The following GABBR2 variants were observed in gnomAD, a reference collection of about 807,000 sequenced individuals.
GABBR2 encodes the protein gamma-aminobutyric acid type B receptor subunit 2, also known as G-protein coupled receptor 51.
A neutral mutation model predicts 105.6 loss-of-function variants in GABBR2; 23 were observed. The observed-to-expected ratio is 0.22, with a 90% CI of 0.16 to 0.31. The LOEUF is 0.31. Ranked by LOEUF, GABBR2 falls within the 10% of genes least tolerant of loss-of-function variation. The probability of loss-of-function intolerance (pLI) is 1.00; values close to 1 mark genes in which losing one functional copy is unlikely to be tolerated. For synonymous variants in GABBR2, 478 were observed against 499.7 expected, an observed-to-expected ratio of 0.96 and a Z score of 0.58; for missense variants, 734 against 1,245.5, an observed-to-expected ratio of 0.59 and a Z score of 6.18.
chr9:98,597,655 T>G (rs982441984), intron 1 of GABBR2, among the ~76,000 whole-genome samples: 5 of 152,034 alleles, frequency 3.3e-5, no homozygotes, highest in African/African-American at 1.2e-4. Context: ...CAAGCATCAC[T>G]GCCTTCCCAG....
At chr9:98,397,524 A>G (rs889971613) in intron 8 of GABBR2, among the ~76,000 whole-genome samples, 4 of 152,114 alleles carry the variant, frequency 2.6e-5, no homozygotes, top group African/African-American at 4.8e-5. Flanking sequence ...CTAGCTTGGA[A>G]CCTAACTCAC....
intron 10 of GABBR2, 119 bp from the exon 11 acceptor site, chr9:98,385,891 G>C: frequency 5.2e-6 from 4 of 775,970 alleles, no homozygotes; most frequent in Non-Finnish European, 6.3e-6. Flanking sequence ...GGGAGAGAGA[G>C]AAACAGAAAT....
chr9:98,587,704 C>G (rs1298599178), intron 1 of GABBR2, among the ~76,000 whole-genome samples: 1 of 152,196 alleles, frequency 6.6e-6, no homozygotes. Context: ...TCAATACCAT[C>G]TAAAATTGAA....
At chr9:98,520,427 A>T (rs1827845113) in intron 3 of GABBR2, among the ~76,000 whole-genome samples, 1 of 152,210 alleles carries the variant, frequency 6.6e-6, no homozygotes, top group Admixed American at 6.5e-5. Flanking sequence ...GAAGGAGCAG[A>T]TGTGTGGAGC....
chr9:98,554,568 T>C (rs987908949), intron 2 of GABBR2, among the ~76,000 whole-genome samples: 2 of 152,088 alleles, frequency 1.3e-5, no homozygotes, highest in African/African-American at 4.8e-5. Flanking sequence ...AGAAACTACA[T>C]ACATAAGCAC....
intron 5 of GABBR2, 98 bp from the exon 6 acceptor site, chr9:98,473,444 G>C (rs1826725872): frequency 1.4e-6 from 1 of 711,514 alleles, no homozygotes; most frequent in Non-Finnish European, 2.4e-6. Flanking sequence ...CCTCTTCCCA[G>C]AGGATTTAGG....
At chr9:98,654,224 C>T (rs1444895336) in intron 1 of GABBR2, among the ~76,000 whole-genome samples, 2 of 152,192 alleles carry the variant, frequency 1.3e-5, no homozygotes, top group African/African-American at 2.4e-5. Context: ...CCTGACACCA[C>T]GGTGCGCTCT....
chr9:98,701,596 C>CA (rs1445052069), intron 1 of GABBR2, among the ~76,000 whole-genome samples: 1 of 152,178 alleles, frequency 6.6e-6, no homozygotes, highest in Non-Finnish European at 1.5e-5. Context: ...TCACCATTTA[C>CA]TCATGCAGGC....
At chr9:98,497,373 A>C (rs1827302520) in intron 3 of GABBR2, among the ~76,000 whole-genome samples, 2 of 152,184 alleles carry the variant, frequency 1.3e-5, no homozygotes, top group Admixed American at 6.5e-5. Context: ...TCAGAAATTT[A>C]GACTTTTAAA....
Position 98,708,790 on chromosome 9 carries a change from G to C in GABBR2, c.-53C>G. The C allele has an allele frequency of 1.0e-6, 1 of 967,332 alleles. No homozygotes were observed. The highest frequency in any genetic ancestry group is 1.2e-6 in the Non-Finnish European group (1 of 815,822). The allele number at this position is 967,332 out of a possible 1,614,324, so 59.9% of individuals were successfully genotyped here. A position where few individuals can be genotyped will look rare whatever the true frequency, so the allele number is the denominator to read the frequency against. ...TCACTCGGCCCGCATGGCCTGGCCC[G>C]GCCCGCCGCCCCGCGCCAAGGTCTT... On this transcript the variant is annotated 5_prime_UTR_variant, in exon 1 of 19. Transcript: ENST00000259455.
chr9:98,421,042 G>A (rs936150497), intron 7 of GABBR2, among the ~76,000 whole-genome samples: 12 of 152,178 alleles, frequency 7.9e-5, no homozygotes, highest in Admixed American at 5.2e-4. Flanking sequence ...AAACAAACAA[G>A]CCAGTAGAAG....
chr9:98,390,229 C>T (rs1163971240), intron 9 of GABBR2, among the ~76,000 whole-genome samples: 1 of 151,828 alleles, frequency 6.6e-6, no homozygotes, highest in Non-Finnish European at 1.5e-5. Flanking sequence ...ACGAAAATAG[C>T]TGGGTGTGCT....
At chr9:98,405,982 C>T (rs1226797125) in intron 8 of GABBR2, 99 bp downstream of exon 8, 1 of 740,192 alleles carries the variant, frequency 1.4e-6, no homozygotes, top group Non-Finnish European at 2.4e-6. Flanking sequence ...TTATCTGGAA[C>T]ATCACACTTG....
At chr9:98,341,215 C>T (rs1312813279) in intron 13 of GABBR2, among the ~76,000 whole-genome samples, 6 of 152,350 alleles carry the variant, frequency 3.9e-5, no homozygotes, top group African/African-American at 1.4e-4. Context: ...GCGGCGGTGG[C>T]TGGCAGAGCT....
intron 1 of GABBR2, among the ~76,000 whole-genome samples, chr9:98,681,530 A>G (rs578100466): frequency 2.6e-5 from 4 of 152,012 alleles, no homozygotes; most frequent in South Asian, 2.1e-4. Flanking sequence ...ACATGTATAC[A>G]TATGTAACTA....
chr9:98,690,391 A>C (rs990401161), intron 1 of GABBR2, among the ~76,000 whole-genome samples: 5 of 152,132 alleles, frequency 3.3e-5, no homozygotes, highest in African/African-American at 1.2e-4. Context: ...TAAACACCTA[A>C]AACTGATTTA....
At position 98,299,273 on chromosome 9, in the gene GABBR2, G is replaced by A. The variant is rs2131344070; in HGVS notation, c.2493C>T (p.Tyr831=). 5 of 1,614,114 alleles carry A rather than the reference G, an allele frequency of 3.1e-6. No homozygotes were observed. Among genetic ancestry groups the A allele is most frequent in the Non-Finnish European group, 4.2e-6 (5 of 1,179,974 alleles). The change falls in exon 17 of 19, where the codon TAC becomes TAT. Residue 831 remains tyrosine (Y), a synonymous_variant. Transcript: ENST00000259455. ...GGTTGAGGATGTCATTGAGCTCTTGGTAGTGGTTCTGTTTAATGTAGGTGG... is the reference window on the plus strand; with the variant it reads ...GGTTGAGGATGTCATTGAGCTCTTGATAGTGGTTCTGTTTAATGTAGGTGG... ...EKTTYIKQNH[Y]QELNDILNLG...
intron 7 of GABBR2, among the ~76,000 whole-genome samples, chr9:98,422,034 G>A (rs866830039): frequency 6.6e-6 from 1 of 152,078 alleles, no homozygotes; most frequent in African/African-American, 2.4e-5. Flanking sequence ...ACAGACAATA[G>A]AATGAAAGAA....
chr9:98,511,118 A>G (rs1827632170), intron 3 of GABBR2, among the ~76,000 whole-genome samples: 1 of 152,228 alleles, frequency 6.6e-6, no homozygotes, highest in Non-Finnish European at 1.5e-5. Context: ...AAACTGCACA[A>G]CTACATGGAA....
Sources: allele counts gnomAD v4.1 joint callset (sites outside exome capture counted in the v4.1 genomes callset), GRCh38; gene constraint gnomAD v4.1.1; transcripts MANE v1.5; gene names NCBI Gene and HGNC (gene_info 2026-07-23, HGNC 2026-07-21).